The following GRID2 variants were observed in gnomAD, a reference collection of about 807,000 sequenced individuals.
The protein encoded by GRID2 is glutamate ionotropic receptor delta type subunit 2, also known as glutamate receptor ionotropic, delta-2.
Under a neutral mutation model 114.8 loss-of-function variants are expected in GRID2, and 33 were observed. The observed-to-expected ratio is 0.29, with a 90% CI of 0.22 to 0.38. GRID2 has a LOEUF of 0.38. Among genes scored for constraint, GRID2 ranks in the 10% least tolerant of loss-of-function variants. The pLI, the probability that GRID2 is intolerant of heterozygous loss-of-function variation, is 1.00. For missense variants in GRID2, 1,184 were observed against 1,257.7 expected (o/e 0.94, Z 0.89); for synonymous variants, 505 against 449.9 (o/e 1.12, Z -1.55).
chr4:92,813,675 T>C lies in GRID2; in HGVS notation c.244+223389T>C, dbSNP rs189022530. Reference sequence around the variant, plus strand: ...ACACGCACGCACACACACACACATATACTCACACACACTTTTTAAGATGTA... The same window carrying C: ...ACACGCACGCACACACACACACATACACTCACACACACTTTTTAAGATGTA... On this transcript the variant is annotated intron_variant, in intron 2 of 15. Coordinates refer to ENST00000282020, the MANE Select transcript of GRID2 (RefSeq NM_001510.4). 8.6e-5 allele frequency among the ~76,000 whole-genome samples: 13 copies of C among 151,996 alleles called. 1 individual carries two copies. In the East Asian group the frequency reaches 1.7e-3, roughly 20 times the overall value.
At chr4:92,676,156 G>GCCCCCCCCCC (rs70942924) in intron 2 of GRID2, among the ~76,000 whole-genome samples, 1 of 25,066 alleles carries the variant, frequency 4.0e-5, no homozygotes, top group African/African-American at 1.3e-4. Flanking sequence ...GTCGTGTCAA[G>GCCCCCCCCCC]CCCCCCCCCC....
chr4:93,017,000 A>G (rs796701095), intron 2 of GRID2, among the ~76,000 whole-genome samples: 11 of 152,286 alleles, frequency 7.2e-5, no homozygotes, highest in African/African-American at 2.6e-4. Flanking sequence ...TCATGTTGAG[A>G]CAGAATTGGG....
chr4:93,058,011 T>C (rs1392561874), intron 2 of GRID2, among the ~76,000 whole-genome samples: 1 of 149,108 alleles, frequency 6.7e-6, no homozygotes, highest in African/African-American at 2.5e-5. Context: ...CTTTTTTTCA[T>C]TGTATATGTT....
chr4:93,357,710 T>C (rs1014930123), intron 8 of GRID2, among the ~76,000 whole-genome samples: 82 of 151,774 alleles, frequency 5.4e-4, no homozygotes, highest in African/African-American at 1.9e-3. Flanking sequence ...ATGTTTTTCT[T>C]TAAATATGTA....
chr4:93,326,109 G>A (rs918906729), intron 8 of GRID2, among the ~76,000 whole-genome samples: 1 of 152,092 alleles, frequency 6.6e-6, no homozygotes, highest in Non-Finnish European at 1.5e-5. Flanking sequence ...TAACAGTCAG[G>A]GTTTAGTAGA....
intron 1 of GRID2, among the ~76,000 whole-genome samples, chr4:92,460,032 C>CTCTATATATATA (rs749790235): frequency 0.012 from 596 of 48,398 alleles, 36 homozygotes; most frequent in African/African-American, 0.057. Flanking sequence ...ATAAATCTCA[C>CTCTATATATATA]TATATATATA....
chr4:92,361,039 T>C (rs1014866499), intron 1 of GRID2, among the ~76,000 whole-genome samples: 6 of 152,014 alleles, frequency 3.9e-5, no homozygotes, highest in Admixed American at 3.9e-4. Context: ...GTAATTATTT[T>C]TATTTATTGT....
At chr4:92,351,995 T>C (rs1579223831) in intron 1 of GRID2, among the ~76,000 whole-genome samples, 3 of 152,064 alleles carry the variant, frequency 2.0e-5, no homozygotes, top group East Asian at 3.9e-4. Flanking sequence ...GATGTACTTA[T>C]TTCCTTTCCT....
At chr4:93,196,011 G>A (rs1741451591) in intron 4 of GRID2, among the ~76,000 whole-genome samples, 1 of 152,090 alleles carries the variant, frequency 6.6e-6, no homozygotes, top group Non-Finnish European at 1.5e-5. Context: ...TGGTACCTCA[G>A]TTTCAACTGA....
chr4:93,157,585 T>G (rs1737301657), intron 4 of GRID2, among the ~76,000 whole-genome samples: 1 of 151,776 alleles, frequency 6.6e-6, no homozygotes, highest in Non-Finnish European at 1.5e-5. Flanking sequence ...AAACTAGTTT[T>G]TACTTTATTT....
intron 7 of GRID2, among the ~76,000 whole-genome samples, chr4:93,237,279 A>T (rs1186356757): frequency 1.3e-5 from 2 of 151,966 alleles, no homozygotes; most frequent in African/African-American, 4.8e-5. Context: ...TAAAAATACA[A>T]TAGATTAAAT....
intron 8 of GRID2, among the ~76,000 whole-genome samples, chr4:93,260,224 T>G (rs2149547979): frequency 6.6e-6 from 1 of 151,776 alleles, no homozygotes; most frequent in East Asian, 1.9e-4. Flanking sequence ...AAAGCAATTT[T>G]ACATTATTTT....
chr4:93,192,747 CAAAAAA>C (rs775968274), intron 4 of GRID2, among the ~76,000 whole-genome samples: 113 of 43,738 alleles, frequency 2.6e-3, no homozygotes, highest in African/African-American at 8.6e-3. Flanking sequence ...AACTCCATCT[CAAAAAA>C]AAAAAAAAAA....
chr4:92,657,680 G>T (rs1732314505), intron 2 of GRID2, among the ~76,000 whole-genome samples: 1 of 151,522 alleles, frequency 6.6e-6, no homozygotes, highest in African/African-American at 2.4e-5. Flanking sequence ...ACTAATAAAT[G>T]CTCTATTTGT....
chr4:93,361,544 G>A (rs1353941521), intron 8 of GRID2, among the ~76,000 whole-genome samples: 1 of 151,386 alleles, frequency 6.6e-6, no homozygotes, highest in Non-Finnish European at 1.5e-5. Context: ...TCTCTCTGCT[G>A]AAATTTCCTA....
At chr4:93,633,921 G>C (rs2149702570) in intron 14 of GRID2, among the ~76,000 whole-genome samples, 1 of 152,206 alleles carries the variant, frequency 6.6e-6, no homozygotes, top group South Asian at 2.1e-4. Flanking sequence ...AGCCCCCATT[G>C]ATTGCCCACT....
intron 4 of GRID2, among the ~76,000 whole-genome samples, chr4:93,180,200 AC>A (rs1739756012): frequency 2.0e-5 from 3 of 151,854 alleles, no homozygotes; most frequent in African/African-American, 7.3e-5. Flanking sequence ...TATTTTGGAG[AC>A]ATCACACGAT....
intron 1 of GRID2, among the ~76,000 whole-genome samples, chr4:92,467,092 A>T (rs913937902): frequency 2.0e-5 from 3 of 151,764 alleles, no homozygotes; most frequent in African/African-American, 7.2e-5. Flanking sequence ...TTTTTAGAAA[A>T]ACACAAATCC....
At chr4:93,306,662 A>G (rs1270875563) in intron 8 of GRID2, among the ~76,000 whole-genome samples, 2 of 152,124 alleles carry the variant, frequency 1.3e-5, no homozygotes, top group African/African-American at 4.8e-5. Flanking sequence ...ATAGATGGGG[A>G]TTATTTACTG....
Sources: gnomAD v4.1 joint callset for allele counts (sites outside exome capture counted in the v4.1 genomes callset) on GRCh38, gnomAD v4.1.1 for gene constraint, MANE v1.5 for transcripts, NCBI Gene and HGNC (gene_info 2026-07-23, HGNC 2026-07-21) for gene names.